Variants in SPAG6 observed in about 807,000 individuals in gnomAD.
SPAG6 encodes the protein sperm-associated antigen 6.
A neutral mutation model predicts 58.5 loss-of-function variants in SPAG6; 49 were observed. The observed-to-expected ratio is 0.84, with a 90% confidence interval of 0.67 to 1.06. The LOEUF is 1.06. Ranked by LOEUF, SPAG6 falls within the 50% of genes least tolerant of loss-of-function variation. The pLI is 0.00. For missense variants in SPAG6, 560 were observed against 611.3 expected (o/e 0.92, Z 0.89); for synonymous variants, 233 against 225.6 (o/e 1.03, Z -0.29).
At chr10:22,370,121 G>T (rs908930468) in intron 4 of SPAG6, among the ~76,000 whole-genome samples, 1 of 152,042 alleles carries the variant, frequency 6.6e-6, no homozygotes, top group African/African-American at 2.4e-5. Context: ...TGTTAAAAAA[G>T]ATATAAAATT....
chr10:22,374,325 G>A (rs140455024), intron 4 of SPAG6, among the ~76,000 whole-genome samples: 10 of 152,130 alleles, frequency 6.6e-5, no homozygotes, highest in Non-Finnish European at 1.0e-4. Context: ...CTAAGACCTC[G>A]TGTGTGGGAC....
Position 22,389,187 on chromosome 10 carries a change from G to A in SPAG6, c.880G>A (p.Gly294Arg), listed in dbSNP as rs1353157544. Residue 294 changes from glycine to arginine, a missense_variant, in exon 7 of 11, where the codon GGG becomes AGG. By Grantham distance (125) the Gly-to-Arg change is moderately radical. Coordinates refer to ENST00000376624, the MANE Select transcript of SPAG6 (RefSeq NM_012443.4). ...TTCACAGCTGGTAGTTAACGCAGGA[G>A]GGGTTGCTGCCGTGATTGACTGCAT... ...ELSQLVVNAGGVAAVIDCIGS... is the reference protein window; with the variant it reads ...ELSQLVVNAGRVAAVIDCIGS... 2 of 1,613,426 alleles carry A rather than the reference G, an allele frequency of 1.2e-6. No homozygotes were observed. The highest frequency in any genetic ancestry group is 1.7e-5 in the Admixed American group (1 of 59,910).
At chr10:22,353,010 A>C (rs1460836622) in intron 2 of SPAG6, among the ~76,000 whole-genome samples, 2 of 152,322 alleles carry the variant, frequency 1.3e-5, no homozygotes, top group East Asian at 3.9e-4. Context: ...ATAAAATATC[A>C]GTTCTCCTTC....
At chr10:22,412,556 T>A (rs1009188919) in intron 10 of SPAG6, 6 of 1,080,548 alleles carry the variant, frequency 5.6e-6, no homozygotes, top group Non-Finnish European at 8.1e-6. Flanking sequence ...ATATGATACA[T>A]CAAAGCAGTG....
intron 2 of SPAG6, chr10:22,360,995 A>G: frequency 3.1e-6 from 2 of 635,934 alleles, no homozygotes; most frequent in East Asian, 2.7e-5. Context: ...CAAAGTCTCC[A>G]TGTTTAATAT....
In SPAG6 at chr10:22,364,838, C is replaced by T; in HGVS notation, c.122-15C>T. ...TAAATTTTCCTGATTTCTGTTCTTT[C>T]ATAATTTAACTCAGGTGTAATGTCT... On this transcript the variant is annotated splice_polypyrimidine_tract_variant and intron_variant, in intron 2 of 10. Coordinates refer to ENST00000376624, the MANE Select transcript of SPAG6 (RefSeq NM_012443.4). 1 of 1,578,618 alleles carries T rather than the reference C, an allele frequency of 6.3e-7. No homozygotes were observed. The highest frequency in any genetic ancestry group is 2.3e-5 in the East Asian group (1 of 44,104).
Position 22,389,226 on chromosome 10 carries a change from G to C in SPAG6, c.919G>C (p.Gly307Arg). The change falls in exon 7 of 11, where the codon GGG becomes CGG. Residue 307 changes from glycine to arginine, a missense_variant. Transcript: ENST00000376624. The stretch of plus-strand genomic sequence containing the variant: ...GATTGACTGCATTGGGTCCTGCAAA[G>C]GGAACACACGGCTGCCTGGCATCAT... ...AVIDCIGSCK[G>R]NTRLPGIMML... 6.2e-7 allele frequency: 1 copy of C among 1,613,352 alleles called. No individual in the cohort carries two copies. The highest frequency in any genetic ancestry group is 8.5e-7 in the Non-Finnish European group (1 of 1,179,758).
At chr10:22,359,392 T>C in intron 2 of SPAG6, 1 of 338,492 alleles carries the variant, frequency 3.0e-6, no homozygotes, top group Non-Finnish European at 4.2e-6. Flanking sequence ...ATTTTATAAA[T>C]TTATGATTTT....
At chr10:22,384,922 G>A (rs1834034044) in intron 4 of SPAG6, among the ~76,000 whole-genome samples, 1 of 152,080 alleles carries the variant, frequency 6.6e-6, no homozygotes, top group Admixed American at 6.6e-5. Flanking sequence ...AGCATCTTGA[G>A]TTTTTGTTAA....
chr10:22,389,973 A>G (rs1392129714), intron 7 of SPAG6, among the ~76,000 whole-genome samples: 2 of 152,260 alleles, frequency 1.3e-5, no homozygotes, highest in East Asian at 3.9e-4. Flanking sequence ...GAATGCTTCA[A>G]AGCCTGTGTG....
intron 8 of SPAG6, among the ~76,000 whole-genome samples, chr10:22,396,478 C>T (rs898298383): frequency 5.9e-5 from 9 of 152,114 alleles, no homozygotes; most frequent in African/African-American, 9.7e-5. Flanking sequence ...TTCCCCATGT[C>T]GGGTATGTCT....
chr10:22,372,612 G>A (rs901933558), intron 4 of SPAG6, among the ~76,000 whole-genome samples: 2 of 152,320 alleles, frequency 1.3e-5, no homozygotes, highest in African/African-American at 2.4e-5. Context: ...ATGAATGGCC[G>A]TCTGTGGAGA....
intron 7 of SPAG6, among the ~76,000 whole-genome samples, chr10:22,391,039 A>G (rs1198381508): frequency 2.0e-5 from 3 of 152,184 alleles, no homozygotes; most frequent in Non-Finnish European, 4.4e-5. Context: ...ACAAAATGTA[A>G]TGTATTTGAG....
At chr10:22,347,884 C>G (rs755843535) in intron 2 of SPAG6, among the ~76,000 whole-genome samples, 1 of 152,120 alleles carries the variant, frequency 6.6e-6, no homozygotes, top group South Asian at 2.1e-4. Context: ...TTCATGTTAT[C>G]GAGATTCAAT....
At position 22,367,254 on chromosome 10, in the gene SPAG6, G is replaced by A. The variant is rs1239022737; in HGVS notation, c.289-1241G>A. ...CACCATTTTTTCCCCACATTTGTAA[G>A]AAAATAATCTATGGAAACCTACTTC... On this transcript the variant is annotated intron_variant, in intron 3 of 10. Coordinates refer to ENST00000376624, the MANE Select transcript of SPAG6 (RefSeq NM_012443.4). Among the ~76,000 whole-genome samples the A allele has an allele frequency of 5.3e-5, 8 of 152,090 alleles. No individual in the cohort carries two copies. The South Asian group carries it at 1.7e-3, about 32-fold the overall frequency.
chr10:22,409,699 G>A (rs963940579), intron 9 of SPAG6, among the ~76,000 whole-genome samples: 3 of 152,196 alleles, frequency 2.0e-5, no homozygotes, highest in African/African-American at 7.2e-5. Flanking sequence ...CGGTCAGAGG[G>A]ATAGTAGCAG....
Position 22,411,269 on chromosome 10 carries a change from C to T in SPAG6, c.1460+93C>T. The T allele has an allele frequency of 3.7e-6, 4 of 1,071,272 alleles. No homozygotes were observed. The South Asian group carries it at 7.1e-5, about 19-fold the overall frequency. The allele number at this position is 1,071,272 out of a possible 1,614,324, so 66.4% of individuals were successfully genotyped here. On this transcript the variant is annotated intron_variant, in intron 10 of 10. Coordinates refer to ENST00000376624, the MANE Select transcript of SPAG6 (RefSeq NM_012443.4). Reference sequence around the variant, plus strand: ...TATATCCACTGTGTCAAAATGTGGACTTTGAAATACGATGTGAGGCCAATA... The same window carrying T: ...TATATCCACTGTGTCAAAATGTGGATTTTGAAATACGATGTGAGGCCAATA...
chr10:22,391,486 G>T (rs992568355), intron 7 of SPAG6, among the ~76,000 whole-genome samples: 1 of 152,056 alleles, frequency 6.6e-6, no homozygotes, highest in Non-Finnish European at 1.5e-5. Flanking sequence ...CTCTATTTGG[G>T]GGGTAAAAGC....
At chr10:22,395,069 A>G (rs1247484927) in intron 8 of SPAG6, among the ~76,000 whole-genome samples, 1 of 152,146 alleles carries the variant, frequency 6.6e-6, no homozygotes, top group Non-Finnish European at 1.5e-5. Context: ...GTTGTGGCAT[A>G]TATCAGTATT....
Sources: allele counts gnomAD v4.1 joint callset (sites outside exome capture counted in the v4.1 genomes callset), GRCh38; gene constraint gnomAD v4.1.1; transcripts MANE v1.5; gene names NCBI Gene and HGNC (gene_info 2026-07-23, HGNC 2026-07-21).